UNC13C: variants seen among roughly 807,000 people sequenced by gnomAD.
UNC13C encodes the protein unc-13 homolog C, also known as protein unc-13 homolog C.
Under a neutral mutation model 245.4 loss-of-function variants are expected in UNC13C, and 174 were observed. The ratio of observed to expected loss-of-function variants is 0.71; its 90% CI spans 0.63 to 0.80. UNC13C has a LOEUF of 0.80. Among genes scored for constraint, UNC13C ranks in the 30% least tolerant of loss-of-function variants. The probability of loss-of-function intolerance (pLI) is 0.00; values close to 1 mark genes in which losing one functional copy is unlikely to be tolerated. For synonymous variants in UNC13C, 992 were observed against 895.1 expected (o/e 1.11, Z -1.93); for missense variants, 2,829 against 2,602.9 (o/e 1.09, Z -1.89).
intron 17 of UNC13C, among the ~76,000 whole-genome samples, chr15:54,341,470 C>A (rs892339399): frequency 1.3e-5 from 2 of 152,120 alleles, no homozygotes; most frequent in African/African-American, 4.8e-5. Flanking sequence ...CTATTGGGTC[C>A]TATGTTCAGT....
intron 4 of UNC13C, among the ~76,000 whole-genome samples, chr15:54,180,443 T>C (rs2033759782): frequency 6.6e-6 from 1 of 152,084 alleles, no homozygotes; most frequent in Non-Finnish European, 1.5e-5. Flanking sequence ...GTTGATATTG[T>C]GAATAGTGTG....
intron 10 of UNC13C, among the ~76,000 whole-genome samples, chr15:54,271,526 A>G (rs1424559844): frequency 2.6e-5 from 4 of 152,210 alleles, no homozygotes; most frequent in Middle Eastern, 3.2e-3. Context: ...CAGTTTGAAT[A>G]AGAAATTTGA....
chr15:54,444,967 C>A (rs1187248306), intron 19 of UNC13C, among the ~76,000 whole-genome samples: 1 of 109,400 alleles, frequency 9.1e-6, no homozygotes, highest in African/African-American at 3.4e-5. Flanking sequence ...CCTCCCCCCT[C>A]CCCCCACCCC....
At chr15:54,138,716 G>C (rs1383046270) in intron 2 of UNC13C, among the ~76,000 whole-genome samples, 1 of 151,752 alleles carries the variant, frequency 6.6e-6, no homozygotes, top group Non-Finnish European at 1.5e-5. Context: ...GTTTGCTGGG[G>C]TTGCCATAAC....
intron 26 of UNC13C, among the ~76,000 whole-genome samples, chr15:54,544,228 T>C (rs1896380037): frequency 6.6e-6 from 1 of 152,170 alleles, no homozygotes; most frequent in South Asian, 2.1e-4. Context: ...GAAAAGGCCT[T>C]TGATAAAATT....
chr15:54,408,093 C>A (rs540346149), intron 18 of UNC13C, among the ~76,000 whole-genome samples: 1 of 145,898 alleles, frequency 6.9e-6, no homozygotes, highest in Non-Finnish European at 1.5e-5. Context: ...CCCAGCTACT[C>A]GGGAGGCTGA....
At chr15:53,915,203 T>C in the UNC13C span, among the ~76,000 whole-genome samples, 1 of 152,214 alleles carries the variant, frequency 6.6e-6, no homozygotes, top group Non-Finnish European at 1.5e-5. Flanking sequence ...CAGTAGAAGG[T>C]CCACTTTTTG....
intron 4 of UNC13C, among the ~76,000 whole-genome samples, chr15:54,167,046 A>G (rs62009994): frequency 0.2 from 29,864 of 152,164 alleles, 3,121 homozygotes; most frequent in South Asian, 0.3. Flanking sequence ...AGATGAACAA[A>G]GTTTGAGGAT....
At chr15:54,490,792 G>C (rs144502933) in intron 19 of UNC13C, among the ~76,000 whole-genome samples, 1 of 151,880 alleles carries the variant, frequency 6.6e-6, no homozygotes. Context: ...ATAATTTTGC[G>C]GACATGCACA....
chr15:54,423,601 A>G (rs2040698372), intron 19 of UNC13C, among the ~76,000 whole-genome samples: 1 of 151,868 alleles, frequency 6.6e-6, no homozygotes, highest in Non-Finnish European at 1.5e-5. Flanking sequence ...TGGGCAAGGT[A>G]TTTGAATGGA....
At chr15:53,882,232 G>A in the UNC13C span, among the ~76,000 whole-genome samples, 1 of 151,898 alleles carries the variant, frequency 6.6e-6, no homozygotes, top group South Asian at 2.1e-4. Flanking sequence ...GAATGTTTTT[G>A]GTTTATGAAC....
chr15:54,305,407 G>C (rs558695460), intron 13 of UNC13C, among the ~76,000 whole-genome samples: 4 of 151,980 alleles, frequency 2.6e-5, no homozygotes, highest in Non-Finnish European at 5.9e-5. Context: ...TTGAAATACA[G>C]CTTTCAGAGA....
chr15:53,924,385 C>T, the UNC13C span, among the ~76,000 whole-genome samples: 2 of 152,116 alleles, frequency 1.3e-5, no homozygotes, highest in African/African-American at 4.8e-5. Flanking sequence ...AGGAATGATG[C>T]TTTCCCTTTT....
intron 2 of UNC13C, chr15:54,049,789 G>A: frequency 4.0e-6 from 1 of 252,586 alleles, no homozygotes; most frequent in Non-Finnish European, 8.1e-6. Context: ...TCTCCATCTG[G>A]AGCCCAGGCA....
intron 2 of UNC13C, among the ~76,000 whole-genome samples, chr15:54,072,957 G>A (rs891029007): frequency 1.1e-4 from 16 of 151,908 alleles, no homozygotes; most frequent in East Asian, 3.9e-4. Context: ...AGGTATACAC[G>A]TGCCATGGTG....
At chr15:54,115,984 T>A (rs1050601301) in intron 2 of UNC13C, among the ~76,000 whole-genome samples, 10 of 152,038 alleles carry the variant, frequency 6.6e-5, no homozygotes, top group Middle Eastern at 3.2e-3. Context: ...GTTATTTTTA[T>A]AGTCATTTTA....
chr15:54,349,579 A>C (rs542295027), intron 17 of UNC13C, among the ~76,000 whole-genome samples: 1 of 152,362 alleles, frequency 6.6e-6, no homozygotes, highest in East Asian at 1.9e-4. Context: ...GACTTGGTCA[A>C]GTAATTTCAT....
the UNC13C span, among the ~76,000 whole-genome samples, chr15:53,956,874 A>G: frequency 5.8e-5 from 1 of 17,370 alleles, no homozygotes; most frequent in Non-Finnish European, 2.4e-4. Context: ...AGTTAAGCTC[A>G]AGTGTGTGTG....
chr15:54,311,735 A>T (rs1024072865), intron 13 of UNC13C, among the ~76,000 whole-genome samples: 1 of 151,782 alleles, frequency 6.6e-6, no homozygotes, highest in African/African-American at 2.4e-5. Context: ...ATTACTTGTC[A>T]GTAATACATT....
Sources: allele counts gnomAD v4.1 joint callset (sites outside exome capture counted in the v4.1 genomes callset), GRCh38; gene constraint gnomAD v4.1.1; transcripts MANE v1.5; gene names NCBI Gene and HGNC (gene_info 2026-07-23, HGNC 2026-07-21).